The following MCF2L variants were observed in gnomAD, a reference collection of about 807,000 sequenced individuals.
The protein encoded by MCF2L is MCF.2 cell line derived transforming sequence like.
A neutral mutation model predicts 153.4 loss-of-function variants in MCF2L; 97 were observed. The observed-to-expected ratio is 0.63, with a 90% CI of 0.54 to 0.75. The LOEUF is 0.75. MCF2L is among the 30% of genes least tolerant of loss of function. MCF2L has a pLI of 0.00. For synonymous variants in MCF2L, 659 were observed against 632.2 expected (o/e 1.04, Z -0.64); for missense variants, 1,347 against 1,495.2 (o/e 0.90, Z 1.64).
Position 113,096,600 on chromosome 13 carries a change from G to A in MCF2L, c.3239G>A (p.Ser1080Asn), listed in dbSNP as rs867942982. ...TGKEGWVPAS[S>N]LSVRLGPSGS... ...AAGGAGGGCTGGGTGCCGGCCAGCA[G>A]CCTGTCCGTCCGGCTCGGCCCGTCC... Residue 1080 changes from serine to asparagine, a missense_variant, in exon 29 of 30, where the codon AGC (serine) becomes AAC (asparagine). This residue lies in a region of MCF2L where 383 missense variants were observed against 335.4 expected (regional missense o/e 1.14). Transcript: ENST00000535094. The A allele has an allele frequency of 5.6e-6, 9 of 1,603,012 alleles. No individual in the cohort carries two copies. The highest frequency in any genetic ancestry group is 7.6e-6 in the Non-Finnish European group (9 of 1,178,328).
intron 1 of MCF2L, among the ~76,000 whole-genome samples, chr13:112,899,182 T>C (rs556739484): frequency 7.2e-5 from 11 of 152,242 alleles, no homozygotes; most frequent in Non-Finnish European, 1.6e-4. Context: ...GGCCGAGTTC[T>C]AGCCGCCTGT....
rs1457914124 is a variant in MCF2L, at chr13:113,086,194, G to A, written c.2318G>A (p.Gly773Asp). ...DLQEALSSIL[G>D]ILKAVNDSMH... Reference sequence around the variant, plus strand: ...CAGGAGGCGCTGAGCTCCATCCTGGGCATCCTGAAGGCCGTGAACGACTCC... The same window carrying A: ...CAGGAGGCGCTGAGCTCCATCCTGGACATCCTGAAGGCCGTGAACGACTCC... Residue 773 changes from glycine to aspartate, a missense_variant, in exon 21 of 30, where the codon GGC (glycine) becomes GAC (aspartate). By Grantham distance (94) the Gly-to-Asp change is moderately conservative. Transcript: ENST00000535094. The A allele has an allele frequency of 1.2e-6, 2 of 1,611,210 alleles. No individual in the cohort carries two copies. Among genetic ancestry groups the A allele is most frequent in the Non-Finnish European group, 1.7e-6 (2 of 1,178,842 alleles).
chr13:112,916,553 C>T (rs952070442), intron 2 of MCF2L, among the ~76,000 whole-genome samples: 5 of 152,318 alleles, frequency 3.3e-5, no homozygotes, highest in Admixed American at 1.3e-4. Context: ...CCTCGGCTCC[C>T]GTGTCCTCTG....
intron 1 of MCF2L, among the ~76,000 whole-genome samples, chr13:113,012,924 G>A (rs1369811476): frequency 2.3e-4 from 30 of 130,150 alleles, no homozygotes; most frequent in Non-Finnish European, 4.0e-4. Context: ...TGATGCGGAC[G>A]GTGGACAGGC....
chr13:113,075,030 G>C lies in MCF2L; in HGVS notation c.1149G>C (p.Leu383=), dbSNP rs2033313573. 1.9e-6 allele frequency: 3 copies of C among 1,611,142 alleles called. No homozygotes were observed. The Admixed American group carries it at 5.0e-5, about 27-fold the overall frequency. ...TGGAGAGGGCCCGGGCCCTGTCTCT[G>C]GACGGCGAGCAGCTCATTGGGAACA... ...VAVERARALS[L]DGEQLIGNKH... is the part of the protein sequence containing the mutation. Residue 383 remains leucine (L), a synonymous_variant, in exon 11 of 30, where the codon CTG becomes CTC. Coordinates refer to ENST00000535094, the MANE Select transcript of MCF2L (RefSeq NM_001112732.3).
intron 26 of MCF2L, among the ~76,000 whole-genome samples, chr13:113,092,322 G>A (rs1472521021): frequency 2.6e-5 from 4 of 152,264 alleles, no homozygotes; most frequent in African/African-American, 9.6e-5. Flanking sequence ...AGCCAGTGTG[G>A]TGTTGAAGCC....
intron 1 of MCF2L, among the ~76,000 whole-genome samples, chr13:112,981,872 C>T (rs1235186033): frequency 2.6e-5 from 4 of 152,258 alleles, no homozygotes; most frequent in Admixed American, 1.3e-4. Context: ...CTGTCTCCCT[C>T]GGCAGGAGCT....
chr13:112,979,770 T>G (rs2082338512), intron 1 of MCF2L: 1 of 1,607,902 alleles, frequency 6.2e-7, no homozygotes, highest in South Asian at 1.1e-5. Flanking sequence ...TGAGATACAA[T>G]GGGGTCGCAG....
At chr13:113,040,435 TG>T (rs2086409279) in intron 3 of MCF2L, 1 of 153,638 alleles carries the variant, frequency 6.5e-6, no homozygotes, top group African/African-American at 2.4e-5. Context: ...TGTGTGTGTG[TG>T]TTTCTTTTCC....
At position 113,053,882 on chromosome 13, in the gene MCF2L, T is replaced by C. The variant is rs1296632728; in HGVS notation, c.370-6711T>C. On this transcript the variant is annotated intron_variant, in intron 4 of 29. Transcript: ENST00000535094. The surrounding 1 kb of genome is among the most constrained non-coding windows in gnomAD (Gnocchi z 4.4). ...AAACATGCACGCCCCTTCAGGGTCC[T>C]GGTCCTTAGGGAGCTGGTTAACAAG... Among the ~76,000 whole-genome samples, 2 of 152,176 alleles carry C rather than the reference T, an allele frequency of 1.3e-5. No individual in the cohort carries two copies. Among genetic ancestry groups the C allele is most frequent in the African/African-American group, 4.8e-5 (2 of 41,446 alleles).
chr13:112,917,061 G>A (rs2081299972), intron 2 of MCF2L: 1 of 471,136 alleles, frequency 2.1e-6, no homozygotes, highest in Non-Finnish European at 4.4e-6. Flanking sequence ...TCAACTCAAA[G>A]GTGCTGTCGT....
At chr13:113,086,649 G>C (rs1419895501) in intron 21 of MCF2L, among the ~76,000 whole-genome samples, 6 of 152,320 alleles carry the variant, frequency 3.9e-5, no homozygotes, top group East Asian at 3.9e-4. Flanking sequence ...GGCCCCAGAA[G>C]GCAGATGTCA....
Position 113,064,624 on chromosome 13 carries a change from C to G in MCF2L, c.606+204C>G, listed in dbSNP as rs2032071314. On this transcript the variant is annotated intron_variant, in intron 6 of 29. Coordinates refer to ENST00000535094, the MANE Select transcript of MCF2L (RefSeq NM_001112732.3). The surrounding 1 kb of genome is among the most constrained non-coding windows in gnomAD (Gnocchi z 6.0). ...GTCATAAGTTTGGGAGTGGCTTTCT[C>G]TGGGCTTGGAGACCAAAAAAAAAAA... 3 of 562,080 alleles carry G rather than the reference C, an allele frequency of 5.3e-6. No individual in the cohort carries two copies. The Admixed American group carries it at 9.3e-5, about 17-fold the overall frequency. The allele number at this position is 562,080 out of a possible 1,614,324, so 34.8% of individuals were successfully genotyped here. A position where few individuals can be genotyped will look rare whatever the true frequency, so the allele number is the denominator to read the frequency against.
intron 12 of MCF2L, 127 bp downstream of exon 12, chr13:113,076,284 G>A: frequency 2.8e-6 from 2 of 724,808 alleles, no homozygotes; most frequent in Non-Finnish European, 4.0e-6. Context: ...TTTTTTTTGA[G>A]ATGGAATCTC....
intron 1 of MCF2L, chr13:112,985,405 G>A (rs1238984418): frequency 6.4e-6 from 3 of 471,052 alleles, no homozygotes; most frequent in Admixed American, 2.3e-5. Flanking sequence ...AAGGCTGTCC[G>A]GATTTCCGTG....
chr13:112,979,169 AC>A, intron 1 of MCF2L: 1 of 246,862 alleles, frequency 4.1e-6, no homozygotes, highest in Non-Finnish European at 6.5e-6. Context: ...AGCCAGCAGC[AC>A]GTCCCTCCCT....
In MCF2L at chr13:113,064,363, C is replaced by G. The variant is rs770460703; in HGVS notation, c.549C>G (p.Thr183=). ...GTTACATCGATAAGTCGCAGCTGAC[C>G]GAGGACCTGGGTGGGACCCTGGACT... ...LHGYIDKSQL[T]EDLGGTLDYC... Residue 183 remains threonine, a synonymous_variant, in exon 6 of 30, where the codon ACC becomes ACG. Transcript: ENST00000535094. The surrounding 1 kb of genome is among the most constrained non-coding windows in gnomAD (Gnocchi z 6.0). 3 of 1,612,966 alleles carry G rather than the reference C, an allele frequency of 1.9e-6. No homozygotes were observed. The highest frequency in any genetic ancestry group is 2.5e-6 in the Non-Finnish European group (3 of 1,179,992).
At chr13:112,934,317 T>G (rs2081492493) in intron 2 of MCF2L, among the ~76,000 whole-genome samples, 1 of 152,204 alleles carries the variant, frequency 6.6e-6, no homozygotes, top group African/African-American at 2.4e-5. Flanking sequence ...CAGCGCTGTC[T>G]CTAGAGGGAC....
At chr13:112,916,819 C>T (rs913667032) in intron 2 of MCF2L, among the ~76,000 whole-genome samples, 2 of 152,136 alleles carry the variant, frequency 1.3e-5, no homozygotes, top group Non-Finnish European at 2.9e-5. Context: ...ATCCTCACTT[C>T]TAATGGGTGG....
Sources: allele counts gnomAD v4.1 joint callset (sites outside exome capture counted in the v4.1 genomes callset), GRCh38; gene constraint gnomAD v4.1.1; regional missense constraint gnomAD v4.1.1; non-coding constraint Gnocchi (gnomAD v3.1); transcripts MANE v1.5; gene names NCBI Gene and HGNC (gene_info 2026-07-23, HGNC 2026-07-21).